Variants in EXOC4 observed in about 807,000 individuals in gnomAD.
EXOC4 encodes exocyst complex component 4, also known as SEC8-like 1.
Under a neutral mutation model 107.2 loss-of-function variants are expected in EXOC4, and 71 were observed. The observed-to-expected ratio is 0.66, with a 90% CI of 0.55 to 0.81. The LOEUF is 0.81. EXOC4 is among the 30% of genes least tolerant of loss of function. The probability of loss-of-function intolerance (pLI) is 0.00; values close to 1 mark genes in which losing one functional copy is unlikely to be tolerated. For synonymous variants in EXOC4, 456 were observed against 441.2 expected, an observed-to-expected ratio of 1.03 and a Z score of -0.42; for missense variants, 1,108 against 1,189.6, an observed-to-expected ratio of 0.93 and a Z score of 1.01.
At chr7:133,330,356 CTA>C (rs1795352931) in intron 5 of EXOC4, among the ~76,000 whole-genome samples, 1 of 152,002 alleles carries the variant, frequency 6.6e-6, no homozygotes, top group South Asian at 2.1e-4. Context: ...CTTAAGTTAC[CTA>C]TGCTCCGTGG....
At chr7:133,812,587 G>A (rs766265243) in intron 10 of EXOC4, among the ~76,000 whole-genome samples, 3 of 151,164 alleles carry the variant, frequency 2.0e-5, no homozygotes, top group Non-Finnish European at 4.4e-5. Context: ...CCCATTTAAT[G>A]TAACTACTTT....
intron 13 of EXOC4, among the ~76,000 whole-genome samples, chr7:133,934,758 C>T (rs941429862): frequency 1.3e-5 from 2 of 151,768 alleles, no homozygotes; most frequent in Non-Finnish European, 2.9e-5. Context: ...TTAAGGGGCT[C>T]GAAGAGTTGA....
In EXOC4 at chr7:133,305,906, C is replaced by T; in HGVS notation, c.501C>T (p.Pro167=). Reference sequence around the variant, plus strand: ...CAGCAGTTGAGTCTTTGGAGGGCCCCCTGCTCCAGGTGGAAGGACTGAGTG... The same window carrying T: ...CAGCAGTTGAGTCTTTGGAGGGCCCTCTGCTCCAGGTGGAAGGACTGAGTG... ...LVSAVESLEG[P]LLQVEGLSDL... The change falls in exon 4 of 18, where the codon CCC becomes CCT. Residue 167 remains proline, a synonymous_variant. Transcript: ENST00000253861. 6.2e-7 allele frequency: 1 copy of T among 1,609,818 alleles called. No homozygotes were observed. Among genetic ancestry groups the T allele is most frequent in the Non-Finnish European group, 8.5e-7 (1 of 1,178,138 alleles).
At chr7:133,883,338 G>C (rs1307417179) in intron 11 of EXOC4, among the ~76,000 whole-genome samples, 2 of 134,978 alleles carry the variant, frequency 1.5e-5, no homozygotes, top group Non-Finnish European at 3.2e-5. Context: ...TTTTTTTTTG[G>C]CTCTTGTAAA....
chr7:133,419,921 T>C (rs970549616), intron 7 of EXOC4, among the ~76,000 whole-genome samples: 1 of 151,696 alleles, frequency 6.6e-6, no homozygotes, highest in Non-Finnish European at 1.5e-5. Context: ...TAGCCAGCTC[T>C]GGGTTCACCT....
intron 13 of EXOC4, among the ~76,000 whole-genome samples, chr7:133,931,679 C>G (rs533025381): frequency 1.3e-5 from 2 of 152,224 alleles, no homozygotes; most frequent in Admixed American, 6.5e-5. Flanking sequence ...TAATAAATCT[C>G]TCATACTAAT....
In EXOC4 at chr7:133,288,991, A is replaced by T; in HGVS notation, c.346A>T (p.Ile116Phe). 1 of 1,614,184 alleles carries T rather than the reference A, an allele frequency of 6.2e-7. No homozygotes were observed. The highest frequency in any genetic ancestry group is 8.5e-7 in the Non-Finnish European group (1 of 1,180,000). ...ACGGGATGAGCTTCGGAAACTGTGGATTGAAGGAATTGAGCATAAGCATGT... is the reference window on the plus strand; with the variant it reads ...ACGGGATGAGCTTCGGAAACTGTGGTTTGAAGGAATTGAGCATAAGCATGT... ...CKRDELRKLW[I>F]EGIEHKHVLN... The change falls in exon 3 of 18, where the codon ATT (isoleucine) becomes TTT (phenylalanine). Residue 116 changes from isoleucine to phenylalanine, a missense_variant. Ile to Phe is a conservative substitution (Grantham distance 21). Coordinates refer to ENST00000253861, the MANE Select transcript of EXOC4 (RefSeq NM_021807.4).
chr7:134,022,550 C>CT (rs1795052097), intron 17 of EXOC4, among the ~76,000 whole-genome samples: 1 of 152,014 alleles, frequency 6.6e-6, no homozygotes, highest in African/African-American at 2.4e-5. Flanking sequence ...GCTCTTTCCC[C>CT]TTTTTCAAAT....
At chr7:133,646,552 G>A (rs1162187304) in intron 10 of EXOC4, among the ~76,000 whole-genome samples, 2 of 151,802 alleles carry the variant, frequency 1.3e-5, no homozygotes, top group Non-Finnish European at 2.9e-5. Context: ...TCTTCTAGAT[G>A]CTTTCCACCA....
At chr7:133,710,483 A>T (rs944727404) in intron 10 of EXOC4, among the ~76,000 whole-genome samples, 2 of 151,272 alleles carry the variant, frequency 1.3e-5, no homozygotes, top group African/African-American at 4.9e-5. Flanking sequence ...AAACAGTGAA[A>T]CCCCGTCTCT....
At chr7:133,780,702 C>T (rs1585140123) in intron 10 of EXOC4, among the ~76,000 whole-genome samples, 1 of 152,284 alleles carries the variant, frequency 6.6e-6, no homozygotes, top group Admixed American at 6.5e-5. Flanking sequence ...TGCTTAATCA[C>T]TGGCTAGGAG....
chr7:133,708,960 CAT>C (rs569941382), intron 10 of EXOC4, among the ~76,000 whole-genome samples: 61 of 152,312 alleles, frequency 4.0e-4, no homozygotes, highest in African/African-American at 1.2e-3. Context: ...AATTTTAGAA[CAT>C]GTGAGTTTGC....
At chr7:133,321,097 G>T (rs547095802) in intron 5 of EXOC4, among the ~76,000 whole-genome samples, 1 of 152,252 alleles carries the variant, frequency 6.6e-6, no homozygotes, top group Non-Finnish European at 1.5e-5. Flanking sequence ...CACTTTTATA[G>T]AGGAAGTTCC....
Position 133,641,214 on chromosome 7 carries a change from GTAAATCAC to G in EXOC4, c.1514+11074_1514+11081del, listed in dbSNP as rs1200239187. On this transcript the variant is annotated intron_variant, in intron 10 of 17. Coordinates refer to ENST00000253861, the MANE Select transcript of EXOC4 (RefSeq NM_021807.4). ...AGTTGGGAATTTACTTTTATTGATT[GTAAATCAC>G]ATCCTTCTGGTCCCTAACAGGCAGT... Among the ~76,000 whole-genome samples, 5 of 152,114 alleles carry G rather than the reference GTAAATCAC, an allele frequency of 3.3e-5. No individual in the cohort carries two copies. The East Asian group carries it at 9.6e-4, about 29-fold the overall frequency.
intron 6 of EXOC4, among the ~76,000 whole-genome samples, chr7:133,366,933 C>T (rs973953538): frequency 6.6e-6 from 1 of 151,970 alleles, no homozygotes; most frequent in African/African-American, 2.4e-5. Flanking sequence ...GCAAGGTAAC[C>T]GTGGCAATGG....
intron 12 of EXOC4, among the ~76,000 whole-genome samples, chr7:133,917,362 C>G (rs995938813): frequency 6.6e-6 from 1 of 152,136 alleles, no homozygotes; most frequent in African/African-American, 2.4e-5. Flanking sequence ...TCAACTGTCA[C>G]GATTACTCAA....
chr7:133,259,552 A>G (rs1251885112), intron 1 of EXOC4, among the ~76,000 whole-genome samples: 1 of 152,042 alleles, frequency 6.6e-6, no homozygotes, highest in African/African-American at 2.4e-5. Flanking sequence ...CACCAGCATT[A>G]TCCACTATTA....
At chr7:133,455,573 G>A (rs1319732736) in intron 7 of EXOC4, among the ~76,000 whole-genome samples, 1 of 152,182 alleles carries the variant, frequency 6.6e-6, no homozygotes, top group Admixed American at 6.5e-5. Context: ...TGTAGAACCT[G>A]TTTATTATAG....
chr7:133,394,958 A>T (rs943829298), intron 7 of EXOC4, among the ~76,000 whole-genome samples: 1 of 152,000 alleles, frequency 6.6e-6, no homozygotes, highest in African/African-American at 2.4e-5. Flanking sequence ...ATGAAATTAA[A>T]ATTGCTGTAT....
Sources: gnomAD v4.1 joint callset for allele counts (sites outside exome capture counted in the v4.1 genomes callset) on GRCh38, gnomAD v4.1.1 for gene constraint, MANE v1.5 for transcripts, NCBI Gene and HGNC (gene_info 2026-07-23, HGNC 2026-07-21) for gene names.